The following UNC79 variants were observed in gnomAD, a reference collection of about 807,000 sequenced individuals.
The protein encoded by UNC79 is protein unc-79 homolog.
UNC79 carries 37 observed loss-of-function variants against 283.1 expected under a neutral mutation model. The ratio of observed to expected loss-of-function variants is 0.13; its 90% confidence interval spans 0.10 to 0.17. UNC79 has a LOEUF of 0.17. Among genes scored for constraint, UNC79 ranks in the 10% least tolerant of loss-of-function variants. The pLI, the probability that UNC79 is intolerant of heterozygous loss-of-function variation, is 1.00. For missense variants in UNC79, 2,272 were observed against 3,211.1 expected, an observed-to-expected ratio of 0.71 and a Z score of 7.07; for synonymous variants, 1,107 against 1,200.2, an observed-to-expected ratio of 0.92 and a Z score of 1.61.
exon 31 of UNC79, chr14:93,630,877 G>T (rs1353260418): frequency 1.2e-6 from 2 of 1,614,034 alleles, no homozygotes; most frequent in Non-Finnish European, 8.5e-7. Flanking sequence ...ATGCAGGTGT[G>T]CCGGAAACAA....
chr14:93,432,217 A>G (rs940289121), intron 1 of UNC79, among the ~76,000 whole-genome samples: 19 of 152,362 alleles, frequency 1.2e-4, no homozygotes, highest in Admixed American at 7.8e-4. Context: ...TATTCACCAG[A>G]TAAATTAAAT....
chr14:93,337,517 C>T (rs953914107), intron 1 of UNC79, among the ~76,000 whole-genome samples: 7 of 152,214 alleles, frequency 4.6e-5, no homozygotes, highest in Admixed American at 6.5e-5. Context: ...GGGGATTCCC[C>T]AACCCAGAGT....
At chr14:93,422,885 C>A (rs548268937) in intron 1 of UNC79, among the ~76,000 whole-genome samples, 2 of 151,188 alleles carry the variant, frequency 1.3e-5, no homozygotes, top group African/African-American at 4.9e-5. Context: ...ACGGTGAAAC[C>A]CTGTCTCTAC....
chr14:93,622,554 C>T (rs1391108190), exon 30 of UNC79: 1 of 1,613,902 alleles, frequency 6.2e-7, no homozygotes, highest in African/African-American at 1.3e-5. Flanking sequence ...GGGGAGAAGC[C>T]TGGGGAGCTG....
chr14:93,529,395 T>C lies in UNC79; in HGVS notation c.1093+69T>C, dbSNP rs548138582. 4.4e-5 allele frequency: 67 copies of C among 1,527,328 alleles called. No individual in the cohort carries two copies. In the African/African-American group the frequency reaches 7.9e-4, roughly 18 times the overall value. The allele number at this position is 1,527,328 out of a possible 1,614,324, so 94.6% of individuals were successfully genotyped here. ...TAATGACATAGTTGCTTTATCTCCT[T>C]TTGTACTATTTTATTTTACAAAGAC... On this transcript the variant is annotated intron_variant, in intron 10 of 48. Coordinates refer to ENST00000555664, the Ensembl canonical transcript of UNC79.
At chr14:93,539,005 C>A (rs1035523360) in intron 12 of UNC79, among the ~76,000 whole-genome samples, 1 of 151,228 alleles carries the variant, frequency 6.6e-6, no homozygotes, top group Non-Finnish European at 1.5e-5. Context: ...TGGGTTCAAG[C>A]GATTCTCCTG....
intron 14 of UNC79, among the ~76,000 whole-genome samples, chr14:93,546,357 T>C (rs956360319): frequency 2.6e-5 from 4 of 152,208 alleles, no homozygotes; most frequent in Non-Finnish European, 5.9e-5. Flanking sequence ...GTTGGCTAGA[T>C]CCGATCTCCT....
intron 1 of UNC79, among the ~76,000 whole-genome samples, chr14:93,350,277 G>C (rs749489265): frequency 6.6e-6 from 1 of 151,902 alleles, no homozygotes; most frequent in Non-Finnish European, 1.5e-5. Context: ...TTATTCAAAA[G>C]TTAAAAAAGG....
At chr14:93,559,052 A>G (rs569541803) in intron 14 of UNC79, among the ~76,000 whole-genome samples, 317 of 152,378 alleles carry the variant, frequency 2.1e-3, no homozygotes, top group African/African-American at 6.8e-3. Context: ...TAAATTTAAA[A>G]GAGCTTAATG....
At chr14:93,702,607 T>A (rs1197749572) in intron 47 of UNC79, among the ~76,000 whole-genome samples, 1 of 152,236 alleles carries the variant, frequency 6.6e-6, no homozygotes, top group Non-Finnish European at 1.5e-5. Context: ...AACCAGCAGC[T>A]TATGGCTATG....
intron 31 of UNC79, among the ~76,000 whole-genome samples, chr14:93,636,277 T>C (rs1344440588): frequency 6.6e-6 from 1 of 152,244 alleles, no homozygotes; most frequent in African/African-American, 2.4e-5. Context: ...TTATATGCTG[T>C]CTGAATTTCT....
At chr14:93,509,530 C>G (rs1213136494) in intron 7 of UNC79, among the ~76,000 whole-genome samples, 1 of 152,114 alleles carries the variant, frequency 6.6e-6, no homozygotes, top group Non-Finnish European at 1.5e-5. Flanking sequence ...TAAGTACTCC[C>G]TTTTCAAAAG....
intron 1 of UNC79, among the ~76,000 whole-genome samples, chr14:93,344,987 C>A (rs557695639): frequency 6.6e-6 from 1 of 152,096 alleles, no homozygotes; most frequent in African/African-American, 2.4e-5. Context: ...TGCTTGAGGC[C>A]AGGAGTTCAA....
At chr14:93,704,036 G>A (rs2075707510) in intron 47 of UNC79, among the ~76,000 whole-genome samples, 1 of 152,238 alleles carries the variant, frequency 6.6e-6, no homozygotes, top group Non-Finnish European at 1.5e-5. Context: ...GAGGGGTTGA[G>A]GTCCTGTCAG....
intron 14 of UNC79, among the ~76,000 whole-genome samples, chr14:93,556,579 A>C (rs2062185798): frequency 6.6e-6 from 1 of 152,080 alleles, no homozygotes. Flanking sequence ...GTTTCTCTCA[A>C]GGAGTTCCAG....
chr14:93,414,386 ATT>A (rs1026580826), intron 1 of UNC79, among the ~76,000 whole-genome samples: 5 of 151,940 alleles, frequency 3.3e-5, no homozygotes, highest in South Asian at 2.1e-4. Context: ...ATTGATCTAT[ATT>A]TCTGTTTTGG....
intron 1 of UNC79, among the ~76,000 whole-genome samples, chr14:93,343,513 A>G (rs2053758008): frequency 6.6e-6 from 1 of 152,184 alleles, no homozygotes; most frequent in Non-Finnish European, 1.5e-5. Context: ...AAAGAGAAAC[A>G]CTTTGTTCCT....
intron 30 of UNC79, among the ~76,000 whole-genome samples, chr14:93,625,501 GT>G (rs2067500620): frequency 6.6e-6 from 1 of 152,142 alleles, no homozygotes; most frequent in Non-Finnish European, 1.5e-5. Context: ...TCCAGCGATT[GT>G]TTTTTTATCC....
At chr14:93,462,898 A>G (rs1174990744) in intron 1 of UNC79, among the ~76,000 whole-genome samples, 1 of 152,158 alleles carries the variant, frequency 6.6e-6, no homozygotes, top group Non-Finnish European at 1.5e-5. Flanking sequence ...GGAGAAATTG[A>G]ATCGATGAGG....
Sources: gnomAD v4.1 joint callset for allele counts (sites outside exome capture counted in the v4.1 genomes callset) on GRCh38, gnomAD v4.1.1 for gene constraint, MANE v1.5 for transcripts, NCBI Gene and HGNC (gene_info 2026-07-23, HGNC 2026-07-21) for gene names.